The following CTNNA2 variants were observed in gnomAD, a reference collection of about 807,000 sequenced individuals.
CTNNA2 encodes catenin alpha 2.
CTNNA2 carries 42 observed loss-of-function variants against 101.0 expected under a neutral mutation model. The ratio of observed to expected loss-of-function variants is 0.42; its 90% CI spans 0.32 to 0.54. CTNNA2 has a LOEUF of 0.54. Among genes scored for constraint, CTNNA2 ranks in the 20% least tolerant of loss-of-function variants. The pLI is 0.14. For missense variants in CTNNA2, 871 were observed against 1,223.1 expected (o/e 0.71, Z 4.29); for synonymous variants, 450 against 456.4 (o/e 0.99, Z 0.18).
At chr2:79,971,486 G>A (rs907135154) in intron 7 of CTNNA2, among the ~76,000 whole-genome samples, 1 of 152,016 alleles carries the variant, frequency 6.6e-6, no homozygotes, top group Non-Finnish European at 1.5e-5. Flanking sequence ...CTTATCCTAA[G>A]GCAGGTGCTA....
At chr2:79,553,300 T>G (rs1674229514) in intron 1 of CTNNA2, among the ~76,000 whole-genome samples, 1 of 152,162 alleles carries the variant, frequency 6.6e-6, no homozygotes, top group Non-Finnish European at 1.5e-5. Context: ...TCAACAAGTC[T>G]CTAGGACGTT....
chr2:80,162,559 C>T (rs1704391272), intron 7 of CTNNA2: 1 of 1,608,470 alleles, frequency 6.2e-7, no homozygotes, highest in Non-Finnish European at 8.5e-7. Context: ...CATCTCTTTC[C>T]TCTGTAATGA....
intron 9 of CTNNA2, among the ~76,000 whole-genome samples, chr2:80,454,426 C>T (rs1011700386): frequency 2.0e-5 from 3 of 152,156 alleles, no homozygotes; most frequent in African/African-American, 7.2e-5. Flanking sequence ...TCTGTACCTT[C>T]CCCATGTGTA....
At chr2:80,208,943 G>T (rs1707710945) in intron 7 of CTNNA2, among the ~76,000 whole-genome samples, 1 of 152,158 alleles carries the variant, frequency 6.6e-6, no homozygotes, top group Non-Finnish European at 1.5e-5. Context: ...GACCACCCAT[G>T]AGGGTGTGAA....
intron 18 of CTNNA2, among the ~76,000 whole-genome samples, chr2:80,631,880 T>G (rs925779517): frequency 1.3e-4 from 20 of 152,074 alleles, no homozygotes; most frequent in African/African-American, 4.6e-4. Context: ...TGTAGTACTT[T>G]TTGTTGTTGT....
chr2:80,088,572 T>C (rs1699588488), intron 7 of CTNNA2, among the ~76,000 whole-genome samples: 1 of 152,118 alleles, frequency 6.6e-6, no homozygotes, highest in Non-Finnish European at 1.5e-5. Context: ...TGGGAATAAA[T>C]ATAATATACT....
chr2:79,585,534 A>G (rs547817928), intron 1 of CTNNA2, among the ~76,000 whole-genome samples: 21 of 152,246 alleles, frequency 1.4e-4, no homozygotes, highest in African/African-American at 4.8e-4. Flanking sequence ...AAATGGAAAC[A>G]TAAGATTGGT....
intron 7 of CTNNA2, among the ~76,000 whole-genome samples, chr2:80,157,547 G>A (rs1179581078): frequency 6.6e-6 from 1 of 151,962 alleles, no homozygotes; most frequent in African/African-American, 2.4e-5. Flanking sequence ...CCATTTTTTT[G>A]TTTATCAAAA....
At chr2:79,967,117 C>CGTGTGT (rs56007530) in intron 7 of CTNNA2, among the ~76,000 whole-genome samples, 20 of 149,574 alleles carry the variant, frequency 1.3e-4, no homozygotes, top group East Asian at 4.0e-4. Flanking sequence ...CGCGCACGCA[C>CGTGTGT]GTGTGTGTGT....
At chr2:80,149,022 T>A (rs1270183236) in intron 7 of CTNNA2, among the ~76,000 whole-genome samples, 2 of 130,352 alleles carry the variant, frequency 1.5e-5, no homozygotes, top group African/African-American at 3.8e-5. Flanking sequence ...CTTATTTTGT[T>A]ATTTTTTTTT....
At chr2:79,715,136 G>A (rs909330121) in intron 2 of CTNNA2, among the ~76,000 whole-genome samples, 3 of 149,270 alleles carry the variant, frequency 2.0e-5, no homozygotes, top group Non-Finnish European at 4.4e-5. Flanking sequence ...GAACACGGGA[G>A]GCAGAGGTTG....
At chr2:79,849,844 C>T (rs1243169263) in intron 3 of CTNNA2, among the ~76,000 whole-genome samples, 1 of 151,956 alleles carries the variant, frequency 6.6e-6, no homozygotes. Flanking sequence ...GTCTTTTCTC[C>T]CTGCTTCAGT....
intron 7 of CTNNA2, among the ~76,000 whole-genome samples, chr2:80,086,301 G>T (rs1009640082): frequency 4.6e-5 from 7 of 152,000 alleles, no homozygotes; most frequent in Admixed American, 2.6e-4. Context: ...CCTTCTATAG[G>T]AGGAACTCAG....
intron 2 of CTNNA2, among the ~76,000 whole-genome samples, chr2:79,653,734 C>G (rs1266050999): frequency 6.6e-6 from 1 of 152,092 alleles, no homozygotes; most frequent in Non-Finnish European, 1.5e-5. Flanking sequence ...AATAGTTATT[C>G]CCTTTATTCA....
At chr2:79,193,638 C>A (rs1249862469) in intron 1 of CTNNA2, among the ~76,000 whole-genome samples, 3 of 152,126 alleles carry the variant, frequency 2.0e-5, no homozygotes, top group South Asian at 4.1e-4. Flanking sequence ...TTTTTGACCT[C>A]CAATTTCAAA....
intron 7 of CTNNA2, among the ~76,000 whole-genome samples, chr2:80,250,941 T>C (rs1290280264): frequency 6.6e-6 from 1 of 152,112 alleles, no homozygotes; most frequent in African/African-American, 2.4e-5. Flanking sequence ...ATACAAATAC[T>C]TCAAGGGGAA....
chr2:80,453,403 T>C (rs1333581951), intron 9 of CTNNA2, among the ~76,000 whole-genome samples: 2 of 151,920 alleles, frequency 1.3e-5, no homozygotes, highest in Non-Finnish European at 2.9e-5. Context: ...TTTGTGTTAC[T>C]GGTACTGAAC....
chr2:79,424,521 A>G (rs1404771669), intron 4 of CTNNA2, among the ~76,000 whole-genome samples: 1 of 152,160 alleles, frequency 6.6e-6, no homozygotes, highest in African/African-American at 2.4e-5. Flanking sequence ...TTAATAAACA[A>G]TAACAAAAGC....
rs532783331 is a variant in CTNNA2 at position 80,415,208 on chromosome 2, A to G, written c.1138-4241A>G. Reference sequence around the variant, plus strand: ...TTCATGTATGCAAGGGCCTAATTTAATTGGGAGGCAGGGAATGTCTTTTAT... The same window carrying G: ...TTCATGTATGCAAGGGCCTAATTTAGTTGGGAGGCAGGGAATGTCTTTTAT... On this transcript the variant is annotated intron_variant, in intron 8 of 18. Transcript: ENST00000402739. 1.8e-4 allele frequency among the ~76,000 whole-genome samples: 27 copies of G among 152,260 alleles called. 1 individual carries two copies. The highest frequency in any genetic ancestry group is 5.5e-4 in the African/African-American group (23 of 41,548).
Sources: allele counts gnomAD v4.1 joint callset (sites outside exome capture counted in the v4.1 genomes callset), GRCh38; gene constraint gnomAD v4.1.1; transcripts MANE v1.5; gene names NCBI Gene and HGNC (gene_info 2026-07-23, HGNC 2026-07-21).